The following STK32B variants were observed in gnomAD, a reference collection of about 807,000 sequenced individuals.
STK32B encodes serine/threonine-protein kinase 32B.
A neutral mutation model predicts 52.6 loss-of-function variants in STK32B; 43 were observed. The ratio of observed to expected loss-of-function variants is 0.82; its 90% CI spans 0.64 to 1.05. STK32B has a LOEUF of 1.05. Ranked by LOEUF, STK32B falls within the 50% of genes least tolerant of loss-of-function variation. STK32B has a pLI of 0.00. For synonymous variants in STK32B, 238 were observed against 204.3 expected (o/e 1.17, Z -1.41); for missense variants, 621 against 534.6 (o/e 1.16, Z -1.59).
intron 1 of STK32B, among the ~76,000 whole-genome samples, chr4:5,137,318 A>G (rs1236425602): frequency 6.6e-6 from 1 of 152,196 alleles, no homozygotes; most frequent in East Asian, 1.9e-4. Context: ...TTCTGGCAAG[A>G]AGGAGCAGAA....
chr4:5,320,113 C>T (rs1346725764), intron 3 of STK32B, among the ~76,000 whole-genome samples: 3 of 152,160 alleles, frequency 2.0e-5, no homozygotes, highest in African/African-American at 4.8e-5. Flanking sequence ...GTCTCTTCCC[C>T]TTCAGAATCC....
intron 3 of STK32B, among the ~76,000 whole-genome samples, chr4:5,238,693 G>T (rs1332816280): frequency 6.6e-6 from 1 of 152,140 alleles, no homozygotes; most frequent in East Asian, 1.9e-4. Context: ...AAATACAAAG[G>T]CCAGCGTTTA....
chr4:5,320,366 C>G (rs1170285263), intron 3 of STK32B, among the ~76,000 whole-genome samples: 1 of 152,154 alleles, frequency 6.6e-6, no homozygotes, highest in African/African-American at 2.4e-5. Context: ...ATTACTAAGG[C>G]TGCATGGACT....
At chr4:5,216,445 C>T (rs1365977256) in intron 3 of STK32B, among the ~76,000 whole-genome samples, 2 of 152,066 alleles carry the variant, frequency 1.3e-5, no homozygotes, top group South Asian at 2.1e-4. Flanking sequence ...TGACAAACAG[C>T]AGTTGAGAAG....
intron 11 of STK32B, among the ~76,000 whole-genome samples, chr4:5,484,732 G>T (rs1416555257): frequency 5.3e-5 from 8 of 152,302 alleles, no homozygotes; most frequent in Middle Eastern, 3.4e-3. Flanking sequence ...GGTACCAGTT[G>T]TTCCTTTCCA....
At chr4:5,248,000 G>A (rs1435430788) in intron 3 of STK32B, among the ~76,000 whole-genome samples, 1 of 152,118 alleles carries the variant, frequency 6.6e-6, no homozygotes, top group Non-Finnish European at 1.5e-5. Context: ...CCATGGGTTA[G>A]CTTCAGCTTA....
chr4:5,345,643 G>A (rs1334737897), intron 4 of STK32B, among the ~76,000 whole-genome samples: 3 of 152,192 alleles, frequency 2.0e-5, no homozygotes, highest in Non-Finnish European at 4.4e-5. Context: ...AGTGTCTCCT[G>A]GAGGGTGAAT....
intron 3 of STK32B, among the ~76,000 whole-genome samples, chr4:5,265,289 A>T (rs1726988579): frequency 6.6e-6 from 1 of 152,232 alleles, no homozygotes; most frequent in Non-Finnish European, 1.5e-5. Context: ...AACTCCTGAG[A>T]GTAGCTGAAG....
intron 3 of STK32B, among the ~76,000 whole-genome samples, chr4:5,175,155 G>A (rs1014508884): frequency 6.6e-6 from 1 of 151,974 alleles, no homozygotes; most frequent in African/African-American, 2.4e-5. Context: ...GCTCCATCAG[G>A]TCCTTTAAGG....
intron 11 of STK32B, among the ~76,000 whole-genome samples, chr4:5,484,609 G>A (rs140272952): frequency 6.6e-6 from 1 of 152,110 alleles, no homozygotes; most frequent in Non-Finnish European, 1.5e-5. Flanking sequence ...ATATTGTTAC[G>A]TGTGAATTTG....
intron 3 of STK32B, among the ~76,000 whole-genome samples, chr4:5,195,450 T>C (rs975328207): frequency 6.6e-6 from 1 of 152,110 alleles, no homozygotes; most frequent in Non-Finnish European, 1.5e-5. Flanking sequence ...CCCAGCACTT[T>C]GGGAGGCCAA....
chr4:5,369,192 A>T (rs1267474543), intron 4 of STK32B, among the ~76,000 whole-genome samples: 1 of 151,346 alleles, frequency 6.6e-6, no homozygotes, highest in Admixed American at 6.6e-5. Context: ...TGGATTGGAG[A>T]TATGAGGCCC....
intron 5 of STK32B, among the ~76,000 whole-genome samples, chr4:5,410,758 T>C (rs1711591356): frequency 6.6e-6 from 1 of 152,148 alleles, no homozygotes; most frequent in Non-Finnish European, 1.5e-5. Context: ...CTACAAACAA[T>C]AAGGAATGAA....
At chr4:5,194,424 G>A (rs1277989284) in intron 3 of STK32B, among the ~76,000 whole-genome samples, 2 of 152,100 alleles carry the variant, frequency 1.3e-5, no homozygotes, top group African/African-American at 4.8e-5. Context: ...TCAAGGGTAG[G>A]GACCTTGCCC....
At chr4:5,273,725 A>G (rs1727602130) in intron 3 of STK32B, among the ~76,000 whole-genome samples, 2 of 130,734 alleles carry the variant, frequency 1.5e-5, no homozygotes, top group Non-Finnish European at 3.2e-5. Context: ...CATCATTCTC[A>G]GTAAACTATC....
In STK32B at chr4:5,460,226, A is replaced by C. The variant is rs1274196930; in HGVS notation, c.907A>C (p.Asn303His). 6.2e-7 allele frequency: 1 copy of C among 1,610,554 alleles called. No individual in the cohort carries two copies. The highest frequency in any genetic ancestry group is 1.3e-5 in the African/African-American group (1 of 75,006). ...KKALMPGFVP[N>H]KGRLNCDPTF... is the part of the protein sequence containing the mutation. Reference sequence around the variant, plus strand: ...GGCACTGATGCCCGGCTTTGTGCCCAATGTGAGTGGAAGTCCCACCTGATG... The same window carrying C: ...GGCACTGATGCCCGGCTTTGTGCCCCATGTGAGTGGAAGTCCCACCTGATG... The change falls in exon 9 of 12, where the codon AAT becomes CAT. Residue 303 changes from asparagine to histidine, a missense_variant and splice_region_variant. Coordinates refer to ENST00000282908, the MANE Select transcript of STK32B (RefSeq NM_018401.3). This position sits in a 1 kb window ranked among gnomAD's most constrained non-coding sequence, Gnocchi z 4.8.
chr4:5,416,308 C>G (rs1712156298), intron 5 of STK32B, among the ~76,000 whole-genome samples: 1 of 152,060 alleles, frequency 6.6e-6, no homozygotes, highest in South Asian at 2.1e-4. Flanking sequence ...GTAGGTGCAC[C>G]CAGCCTATCC....
At chr4:5,497,387 G>C (rs1720364667) in intron 11 of STK32B, among the ~76,000 whole-genome samples, 1 of 152,330 alleles carries the variant, frequency 6.6e-6, no homozygotes, top group East Asian at 1.9e-4. Flanking sequence ...CTCTTCAACT[G>C]AGGGTAAGAG....
At chr4:5,258,272 G>A (rs1452244239) in intron 3 of STK32B, among the ~76,000 whole-genome samples, 2 of 152,224 alleles carry the variant, frequency 1.3e-5, no homozygotes, top group Non-Finnish European at 1.5e-5. Flanking sequence ...TCAAGCCCCA[G>A]TGTGTCACTT....
Sources: gnomAD v4.1 joint callset for allele counts (sites outside exome capture counted in the v4.1 genomes callset) on GRCh38, gnomAD v4.1.1 for gene constraint, Gnocchi (gnomAD v3.1) non-coding constraint, MANE v1.5 for transcripts, NCBI Gene and HGNC (gene_info 2026-07-23, HGNC 2026-07-21) for gene names.